FREM2: variants seen among roughly 807,000 people sequenced by gnomAD.
FREM2 encodes the protein FRAS1-related extracellular matrix protein 2.
FREM2 carries 119 observed loss-of-function variants against 219.9 expected under a neutral mutation model. The observed-to-expected ratio is 0.54, with a 90% CI of 0.47 to 0.63. The LOEUF (loss-of-function observed/expected upper bound fraction) is 0.63, where lower values mean the gene tolerates loss of function less well. Among genes scored for constraint, FREM2 ranks in the 30% least tolerant of loss-of-function variants. FREM2 has a pLI of 0.00. For missense variants in FREM2, 4,030 were observed against 3,993.6 expected, an observed-to-expected ratio of 1.01 and a Z score of -0.25; for synonymous variants, 1,562 against 1,522.8, an observed-to-expected ratio of 1.03 and a Z score of -0.60.
chr13:38,840,370 G>A (rs1427919359), intron 6 of FREM2, among the ~76,000 whole-genome samples: 1 of 151,090 alleles, frequency 6.6e-6, no homozygotes, highest in South Asian at 2.1e-4. Flanking sequence ...TGGCCTTGCT[G>A]GGTGCTGCAG....
chr13:38,862,302 G>T (rs563898964), intron 15 of FREM2, among the ~76,000 whole-genome samples: 2 of 152,184 alleles, frequency 1.3e-5, no homozygotes, highest in Non-Finnish European at 2.9e-5. Context: ...TACAACCTGA[G>T]ATTTTTCTGG....
chr13:38,720,625 C>G (rs1216029774), intron 2 of FREM2, among the ~76,000 whole-genome samples: 1 of 152,186 alleles, frequency 6.6e-6, no homozygotes, highest in East Asian at 1.9e-4. Context: ...GGGCATGTTT[C>G]TGGTCTACAG....
At position 38,692,396 on chromosome 13, in the gene FREM2, G is replaced by T. The variant is rs1467709914; in HGVS notation, c.5052G>T (p.Leu1684Phe). 6.2e-7 allele frequency: 1 copy of T among 1,610,316 alleles called. No individual in the cohort carries two copies. Among genetic ancestry groups the T allele is most frequent in the Admixed American group, 1.7e-5 (1 of 59,610 alleles). ...GGTTCATGATCACAAGCAAAATATT[G>T]AAAGTGGAGGACAGAGACAGCTTAC... is the stretch of plus-strand genomic sequence containing the variant. Reference protein sequence around the residue: ...HLGFMITSKILKVEDRDSLHI... With the variant: ...HLGFMITSKIFKVEDRDSLHI... The change falls in exon 1 of 24, where the codon TTG becomes TTT. Residue 1684 changes from leucine to phenylalanine, a missense_variant. By Grantham distance (22) the Leu-to-Phe change is conservative (BLOSUM62 0). Around this residue, in one of 2 missense-constraint regions of FREM2, gnomAD observed 3,102 missense variants for 2,950.7 expected, o/e 1.05. Coordinates refer to ENST00000280481, the MANE Select transcript of FREM2 (RefSeq NM_207361.6).
At chr13:38,840,841 T>C (rs1056543588) in intron 6 of FREM2, among the ~76,000 whole-genome samples, 7 of 152,066 alleles carry the variant, frequency 4.6e-5, no homozygotes, top group Admixed American at 3.9e-4. Context: ...AATTGCACCC[T>C]AATACAAATG....
intron 2 of FREM2, among the ~76,000 whole-genome samples, chr13:38,700,632 A>G (rs1281350309): frequency 6.6e-6 from 1 of 152,094 alleles, no homozygotes; most frequent in African/African-American, 2.4e-5. Flanking sequence ...TATGATTTCT[A>G]TTTGGCAGAT....
chr13:38,806,556 A>T (rs1355651788), intron 6 of FREM2, among the ~76,000 whole-genome samples: 5 of 151,996 alleles, frequency 3.3e-5, no homozygotes, highest in African/African-American at 1.2e-4. Context: ...TATTGTGTCT[A>T]AAAATGTACA....
At chr13:38,843,384 G>T (rs1877032882) in intron 6 of FREM2, among the ~76,000 whole-genome samples, 1 of 151,530 alleles carries the variant, frequency 6.6e-6, no homozygotes, top group Admixed American at 6.6e-5. Flanking sequence ...TTCCATAACT[G>T]ATCTACAAAG....
chr13:38,710,024 C>T (rs988892089), intron 2 of FREM2, among the ~76,000 whole-genome samples: 11 of 141,532 alleles, frequency 7.8e-5, no homozygotes, highest in African/African-American at 3.0e-4. Context: ...CACACACACA[C>T]ACACACACAC....
chr13:38,833,607 A>C (rs910425847), intron 6 of FREM2, among the ~76,000 whole-genome samples: 1 of 152,160 alleles, frequency 6.6e-6, no homozygotes, highest in Non-Finnish European at 1.5e-5. Context: ...ATTGAATGGA[A>C]AAAAATAATT....
chr13:38,872,690 C>A, intron 16 of FREM2, 52 bp from the exon 17 acceptor site: 1 of 1,478,734 alleles, frequency 6.8e-7, no homozygotes, highest in Non-Finnish European at 9.5e-7. Context: ...CAAAATTAGG[C>A]CCACTTAGTT....
intron 6 of FREM2, among the ~76,000 whole-genome samples, chr13:38,826,521 G>A (rs1487931164): frequency 1.3e-5 from 2 of 152,028 alleles, no homozygotes; most frequent in Non-Finnish European, 2.9e-5. Flanking sequence ...AAATGGAGTC[G>A]CTTTTGCTGT....
chr13:38,885,052 T>A lies in FREM2; in HGVS notation c.*4265T>A, dbSNP rs367749333. 2 of 152,326 alleles carry A rather than the reference T, an allele frequency of 1.3e-5. No individual in the cohort carries two copies. The highest frequency in any genetic ancestry group is 4.8e-5 in the African/African-American group (2 of 41,584). The allele number at this position is 152,326 out of a possible 1,614,324, so 9.4% of individuals were successfully genotyped here. A position where few individuals can be genotyped will look rare whatever the true frequency, so the allele number is the denominator to read the frequency against. On this transcript the variant is annotated 3_prime_UTR_variant, in exon 24 of 24. Coordinates refer to ENST00000280481, the MANE Select transcript of FREM2 (RefSeq NM_207361.6). Reference sequence around the variant, plus strand: ...ATTATATATAGGTTCAAATTATCCCTTAATGTTGATTTCTCCCCTTTTCCA... The same window carrying A: ...ATTATATATAGGTTCAAATTATCCCATAATGTTGATTTCTCCCCTTTTCCA...
At chr13:38,760,269 T>C (rs1226513700) in intron 2 of FREM2, among the ~76,000 whole-genome samples, 1 of 152,230 alleles carries the variant, frequency 6.6e-6, no homozygotes, top group Non-Finnish European at 1.5e-5. Flanking sequence ...TTCTGAATTT[T>C]ATTTTGAAGT....
At chr13:38,830,663 T>A (rs1253571186) in intron 6 of FREM2, among the ~76,000 whole-genome samples, 9 of 152,224 alleles carry the variant, frequency 5.9e-5, no homozygotes, top group Non-Finnish European at 2.9e-5. Context: ...CCCTTTCCTA[T>A]ACTACAGCCA....
At chr13:38,850,513 A>G (rs1250194895) in intron 9 of FREM2, among the ~76,000 whole-genome samples, 1 of 152,248 alleles carries the variant, frequency 6.6e-6, no homozygotes, top group Non-Finnish European at 1.5e-5. Context: ...TTACAATGCT[A>G]GGAATTAAAC....
intron 1 of FREM2, among the ~76,000 whole-genome samples, chr13:38,694,513 A>G (rs1041226964): frequency 2.6e-5 from 4 of 152,192 alleles, no homozygotes; most frequent in Non-Finnish European, 5.9e-5. Context: ...GAGAAATGAA[A>G]GCAGTGCTTA....
chr13:38,710,072 C>T (rs1870710361), intron 2 of FREM2, among the ~76,000 whole-genome samples: 1 of 151,028 alleles, frequency 6.6e-6, no homozygotes, highest in Non-Finnish European at 1.5e-5. Flanking sequence ...ACCTGTGTTC[C>T]CAGCAGGAGG....
intron 18 of FREM2, 117 bp from the exon 19 acceptor site, chr13:38,875,904 CT>C (rs1878322571): frequency 2.0e-6 from 2 of 991,586 alleles, no homozygotes; most frequent in Admixed American, 3.4e-5. Context: ...GCTTTGCAGC[CT>C]TCTTATAAAA....
intron 2 of FREM2, among the ~76,000 whole-genome samples, chr13:38,729,368 G>C (rs1871671397): frequency 6.6e-6 from 1 of 152,028 alleles, no homozygotes; most frequent in Non-Finnish European, 1.5e-5. Flanking sequence ...TGTTATTCTT[G>C]AGATGTAATG....
Sources: gnomAD v4.1 joint callset for allele counts (sites outside exome capture counted in the v4.1 genomes callset) on GRCh38, gnomAD v4.1.1 for gene constraint, gnomAD v4.1.1 regional missense constraint, MANE v1.5 for transcripts, NCBI Gene and HGNC (gene_info 2026-07-23, HGNC 2026-07-21) for gene names.